The following PCBP3 variants were observed in gnomAD, a reference collection of about 807,000 sequenced individuals.
The protein encoded by PCBP3 is poly(rC)-binding protein 3.
Under a neutral mutation model 52.7 loss-of-function variants are expected in PCBP3, and 25 were observed. The ratio of observed to expected loss-of-function variants is 0.47; its 90% CI spans 0.35 to 0.66. The LOEUF is 0.66. Among genes scored for constraint, PCBP3 ranks in the 30% least tolerant of loss-of-function variants. The probability of loss-of-function intolerance (pLI) is 0.01; values close to 1 mark genes in which losing one functional copy is unlikely to be tolerated. For synonymous variants in PCBP3, 162 were observed against 183.0 expected (o/e 0.89, Z 0.93); for missense variants, 391 against 490.3 (o/e 0.80, Z 1.91).
At chr21:45,933,310 G>A (rs1465021833) in intron 15 of PCBP3, among the ~76,000 whole-genome samples, 1 of 152,272 alleles carries the variant, frequency 6.6e-6, no homozygotes, top group African/African-American at 2.4e-5. Flanking sequence ...GCCGTCCTGA[G>A]ATGAATGAAC....
Position 45,930,840 on chromosome 21 carries a change from C to A in PCBP3, c.851C>A (p.Ser284Ter). Residue 284 changes from serine (S) to a stop codon, truncating the protein, a stop_gained, in exon 15 of 18, where the codon TCA (serine) becomes TAA (stop). Transcript: ENST00000681687. LOFTEE classifies it high-confidence loss of function. ...GAAGCTCAAAATCTGATGGGCCAGT[C>A]ATCAGGTAACACAAAGCCACACTGA... ...SEEAQNLMGQ[S>*]SGLDASPPAS... 1 of 1,610,310 alleles carries A rather than the reference C, an allele frequency of 6.2e-7. No homozygotes were observed. The highest frequency in any genetic ancestry group is 1.1e-5 in the South Asian group (1 of 90,986).
chr21:45,822,616 C>T (rs150722854), intron 4 of PCBP3, among the ~76,000 whole-genome samples: 5 of 140,588 alleles, frequency 3.6e-5, no homozygotes, highest in Admixed American at 6.9e-5. Flanking sequence ...AGGATAGGGC[C>T]AGGAGAGCAA....
At chr21:45,652,462 A>G (rs1007017544) in intron 1 of PCBP3, among the ~76,000 whole-genome samples, 1 of 139,866 alleles carries the variant, frequency 7.1e-6, no homozygotes, top group African/African-American at 2.7e-5. Flanking sequence ...TTTTTTTGAG[A>G]CGGAGTCTTG....
intron 4 of PCBP3, among the ~76,000 whole-genome samples, chr21:45,768,721 A>G (rs2089590579): frequency 6.6e-6 from 1 of 152,126 alleles, no homozygotes; most frequent in African/African-American, 2.4e-5. Context: ...CTTTTACCCC[A>G]TTGCACTGGT....
intron 4 of PCBP3, among the ~76,000 whole-genome samples, chr21:45,849,329 C>T (rs935686772): frequency 9.2e-5 from 14 of 152,150 alleles, no homozygotes; most frequent in Non-Finnish European, 1.5e-4. Flanking sequence ...CCTCAGCCTC[C>T]GGAGTAGCTG....
At chr21:45,927,311 T>TC (rs2075576630) in intron 13 of PCBP3, among the ~76,000 whole-genome samples, 2 of 73,074 alleles carry the variant, frequency 2.7e-5, no homozygotes, top group Non-Finnish European at 2.8e-5. Context: ...TCCCCTCCCC[T>TC]TCCTCCCTCT....
At chr21:45,914,174 C>A in intron 12 of PCBP3, 149 bp downstream of exon 12, 1 of 1,384,556 alleles carries the variant, frequency 7.2e-7, no homozygotes, top group Non-Finnish European at 9.8e-7. Flanking sequence ...CCACCTACAC[C>A]CAGCACCAGG....
chr21:45,668,402 A>G (rs1291610499), intron 1 of PCBP3, among the ~76,000 whole-genome samples: 1 of 152,176 alleles, frequency 6.6e-6, no homozygotes, highest in African/African-American at 2.4e-5. Context: ...GCTCCGTGTC[A>G]GGTCAAATAA....
chr21:45,804,149 G>A (rs1029573141), intron 4 of PCBP3, among the ~76,000 whole-genome samples: 3 of 152,148 alleles, frequency 2.0e-5, no homozygotes, highest in Non-Finnish European at 4.4e-5. Flanking sequence ...CGTGGCTGTA[G>A]TGTTTTTTAC....
At chr21:45,768,131 C>T (rs116579469) in intron 4 of PCBP3, among the ~76,000 whole-genome samples, 1 of 152,246 alleles carries the variant, frequency 6.6e-6, no homozygotes, top group African/African-American at 2.4e-5. Flanking sequence ...CACTGTGGGG[C>T]AGTTGCCTTC....
At chr21:45,795,328 T>C (rs11089021) in intron 4 of PCBP3, among the ~76,000 whole-genome samples, 48,520 of 150,048 alleles carry the variant, frequency 0.32, 8,893 homozygotes, top group East Asian at 0.66. Flanking sequence ...TTTTTTTTTT[T>C]CCCCTTTCCT....
chr21:45,905,867 C>T (rs1418261517), intron 9 of PCBP3, among the ~76,000 whole-genome samples: 1 of 152,224 alleles, frequency 6.6e-6, no homozygotes, highest in East Asian at 1.9e-4. Context: ...GGTTCTGCAG[C>T]ACAGGCCCTG....
chr21:45,871,606 C>T (rs1161033498), intron 5 of PCBP3: 2 of 152,364 alleles, frequency 1.3e-5, no homozygotes. Context: ...TATCTTCAAT[C>T]CTTGCTGGAA....
intron 4 of PCBP3, among the ~76,000 whole-genome samples, chr21:45,841,032 T>C (rs2093689046): frequency 6.6e-6 from 1 of 152,250 alleles, no homozygotes; most frequent in Non-Finnish European, 1.5e-5. Flanking sequence ...TACAGTCATG[T>C]GTTGTGTACC....
intron 5 of PCBP3, among the ~76,000 whole-genome samples, chr21:45,885,965 A>T (rs1042423928): frequency 2.6e-5 from 4 of 152,214 alleles, no homozygotes; most frequent in Non-Finnish European, 5.9e-5. Context: ...ATATTACGTT[A>T]TGAGACTCTG....
At chr21:45,657,131 G>A (rs1165554219) in intron 1 of PCBP3, among the ~76,000 whole-genome samples, 4 of 152,088 alleles carry the variant, frequency 2.6e-5, no homozygotes, top group Non-Finnish European at 5.9e-5. Context: ...TCATTTTCTT[G>A]ATAGTATCCT....
At chr21:45,839,875 C>G (rs544859071) in intron 4 of PCBP3, among the ~76,000 whole-genome samples, 1 of 151,890 alleles carries the variant, frequency 6.6e-6, no homozygotes, top group Non-Finnish European at 1.5e-5. Context: ...TCAGTAGAGA[C>G]GGGGTTTCAC....
In PCBP3 at chr21:45,736,809, C is replaced by T. The variant is rs2085903385; in HGVS notation, c.-162+1380C>T. 6.6e-6 allele frequency among the ~76,000 whole-genome samples: 1 copy of T among 152,134 alleles called. No homozygotes were observed. Among genetic ancestry groups the T allele is most frequent in the African/African-American group, 2.4e-5 (1 of 41,416 alleles). ...GGCGCACTGCCAGAATCCTGACATC[C>T]TTGTGGGGGGATCGAAAACATAAAT... On this transcript the variant is annotated intron_variant, in intron 3 of 17. Transcript: ENST00000681687. The surrounding 1 kb of genome is among the most constrained non-coding windows in gnomAD (Gnocchi z 4.6).
intron 2 of PCBP3, among the ~76,000 whole-genome samples, chr21:45,715,459 T>G (rs564693847): frequency 6.6e-6 from 1 of 152,236 alleles, no homozygotes; most frequent in African/African-American, 2.4e-5. Context: ...GTATTATCAC[T>G]AATTTCAGAA....
Sources: gnomAD v4.1 joint callset for allele counts (sites outside exome capture counted in the v4.1 genomes callset) on GRCh38, gnomAD v4.1.1 for gene constraint, Gnocchi (gnomAD v3.1) non-coding constraint, MANE v1.5 for transcripts, NCBI Gene and HGNC (gene_info 2026-07-23, HGNC 2026-07-21) for gene names.